Variants in ATAD2B observed in about 807,000 individuals in gnomAD.
ATAD2B encodes ATPase family AAA domain-containing protein 2B.
A neutral mutation model predicts 167.6 loss-of-function variants in ATAD2B; 40 were observed. The ratio of observed to expected loss-of-function variants is 0.24; its 90% confidence interval spans 0.19 to 0.31. ATAD2B has a LOEUF of 0.31. Ranked by LOEUF, ATAD2B falls within the 10% of genes least tolerant of loss-of-function variation. The pLI is 1.00. For synonymous variants in ATAD2B, 579 were observed against 596.5 expected, an observed-to-expected ratio of 0.97 and a Z score of 0.43; for missense variants, 1,242 against 1,757.2, an observed-to-expected ratio of 0.71 and a Z score of 5.24.
chr2:23,691,483 G>A, the ATAD2B span: 2 of 600,178 alleles, frequency 3.3e-6, no homozygotes, highest in Non-Finnish European at 5.9e-6. Flanking sequence ...CTGTTCTTTT[G>A]GGCGTCTCTG....
intron 8 of ATAD2B, among the ~76,000 whole-genome samples, chr2:23,870,817 T>C (rs574391683): frequency 6.6e-6 from 1 of 151,920 alleles, no homozygotes; most frequent in South Asian, 2.1e-4. Flanking sequence ...TCTTATAAAA[T>C]ACATAAAATA....
intron 13 of ATAD2B, among the ~76,000 whole-genome samples, chr2:23,844,644 T>C (rs1312222926): frequency 6.6e-6 from 1 of 152,120 alleles, no homozygotes; most frequent in Non-Finnish European, 1.5e-5. Flanking sequence ...AAGAAAAGAT[T>C]AGTGAACTAA....
chr2:23,804,752 A>G (rs1475469212), intron 18 of ATAD2B, among the ~76,000 whole-genome samples: 3 of 152,128 alleles, frequency 2.0e-5, no homozygotes, highest in African/African-American at 2.4e-5. Flanking sequence ...CTTTACTTAA[A>G]TAACATTAAA....
intron 12 of ATAD2B, among the ~76,000 whole-genome samples, chr2:23,858,475 A>C (rs13392823): frequency 0.012 from 1,837 of 148,162 alleles, 35 homozygotes; most frequent in African/African-American, 0.043. Flanking sequence ...CGTATACTTA[A>C]GACCTGTCTC....
At chr2:23,781,461 T>C (rs1178054813) in intron 22 of ATAD2B, among the ~76,000 whole-genome samples, 1 of 152,142 alleles carries the variant, frequency 6.6e-6, no homozygotes, top group Non-Finnish European at 1.5e-5. Context: ...GATTACAAGT[T>C]TGAGACCAGC....
intron 13 of ATAD2B, among the ~76,000 whole-genome samples, chr2:23,839,736 T>G (rs1447407058): frequency 6.6e-6 from 1 of 152,124 alleles, no homozygotes; most frequent in African/African-American, 2.4e-5. Flanking sequence ...ATAATTGACA[T>G]ACAAAACCCT....
intron 7 of ATAD2B, among the ~76,000 whole-genome samples, chr2:23,878,809 T>C (rs1282137536): frequency 2.0e-5 from 3 of 151,946 alleles, no homozygotes; most frequent in African/African-American, 4.8e-5. Context: ...CCAGAACATA[T>C]AAGGAATCTC....
chr2:23,741,158 A>C, the ATAD2B span, among the ~76,000 whole-genome samples: 108,952 of 148,996 alleles, frequency 0.73, 40,193 homozygotes, highest in East Asian at 0.85. Context: ...ATGCCATCCC[A>C]ATCAAGCTAC....
chr2:23,912,981 G>T (rs1170187494), intron 1 of ATAD2B, among the ~76,000 whole-genome samples: 1 of 152,172 alleles, frequency 6.6e-6, no homozygotes, highest in African/African-American at 2.4e-5. Context: ...GGGTGACAGG[G>T]CAAGAATCTG....
At chr2:23,818,386 A>AC (rs1437152940) in intron 17 of ATAD2B, among the ~76,000 whole-genome samples, 1 of 110,346 alleles carries the variant, frequency 9.1e-6, no homozygotes, top group African/African-American at 3.3e-5. Flanking sequence ...AAAAAAAAAA[A>AC]ATTGGCTTTC....
intron 6 of ATAD2B, among the ~76,000 whole-genome samples, chr2:23,882,502 T>TAAA (rs770725105): frequency 6.5e-5 from 6 of 92,228 alleles, no homozygotes; most frequent in Non-Finnish European, 8.5e-5. Flanking sequence ...AGCCTCTATT[T>TAAA]AAAAAAAAAA....
At chr2:23,773,707 T>C (rs1678688147) in intron 22 of ATAD2B, among the ~76,000 whole-genome samples, 1 of 152,214 alleles carries the variant, frequency 6.6e-6, no homozygotes, top group South Asian at 2.1e-4. Flanking sequence ...TCCAAATCCA[T>C]GTAATTTCCA....
chr2:23,918,473 A>G (rs72796328), intron 1 of ATAD2B, among the ~76,000 whole-genome samples: 15,655 of 152,270 alleles, frequency 0.1, 923 homozygotes, highest in Middle Eastern at 0.17. Context: ...ATATAATATT[A>G]AGGAAAAATA....
At chr2:23,679,942 C>T in the ATAD2B span, among the ~76,000 whole-genome samples, 2 of 152,186 alleles carry the variant, frequency 1.3e-5, no homozygotes, top group Non-Finnish European at 2.9e-5. Context: ...GTGTGGGGTG[C>T]AAGGAGGCTT....
intron 2 of ATAD2B, among the ~76,000 whole-genome samples, chr2:23,895,451 T>A (rs1044285691): frequency 6.6e-6 from 1 of 152,098 alleles, no homozygotes; most frequent in Non-Finnish European, 1.5e-5. Context: ...TGTCATTATA[T>A]CTTAGTATAT....
At chr2:23,893,601 G>A (rs1378119111) in intron 2 of ATAD2B, among the ~76,000 whole-genome samples, 5 of 139,210 alleles carry the variant, frequency 3.6e-5, no homozygotes, top group African/African-American at 1.3e-4. Flanking sequence ...AACATCAAAA[G>A]ATTTTAATTC....
At chr2:23,724,378 G>A in the ATAD2B span, among the ~76,000 whole-genome samples, 3 of 151,970 alleles carry the variant, frequency 2.0e-5, no homozygotes, top group Non-Finnish European at 4.4e-5. Flanking sequence ...TGTACCCAAT[G>A]AATACGTACA....
rs138612670 is a variant in ATAD2B at position 23,922,032 on chromosome 2, T to C, written c.216+4523A>G. Among the ~76,000 whole-genome samples, 296 of 152,218 alleles carry C rather than the reference T, an allele frequency of 1.9e-3. 1 individual carries two copies. Among genetic ancestry groups the C allele is most frequent in the African/African-American group, 6.6e-3 (274 of 41,550 alleles). On this transcript the variant is annotated intron_variant, in intron 1 of 27. Transcript: ENST00000238789. The stretch of plus-strand genomic sequence containing the variant: ...GATAAAAGTATACTAAAGAAGGACC[T>C]AGGGATTTTTTTAATTAAAATAAAA...
At chr2:23,892,535 G>A (rs1310745230) in intron 2 of ATAD2B, among the ~76,000 whole-genome samples, 3 of 149,410 alleles carry the variant, frequency 2.0e-5, no homozygotes, top group Non-Finnish European at 3.0e-5. Context: ...GCAGTGGTAC[G>A]ATCTCAGCTA....
Sources: gnomAD v4.1 joint callset for allele counts (sites outside exome capture counted in the v4.1 genomes callset) on GRCh38, gnomAD v4.1.1 for gene constraint, MANE v1.5 for transcripts, NCBI Gene and HGNC (gene_info 2026-07-23, HGNC 2026-07-21) for gene names.